Variants in HNMT observed in about 807,000 individuals in gnomAD.
HNMT encodes histamine N-methyltransferase.
HNMT carries 30 observed loss-of-function variants against 32.1 expected under a neutral mutation model. That is an observed-to-expected ratio of 0.93 (90% CI 0.70 to 1.27). The LOEUF (loss-of-function observed/expected upper bound fraction) is 1.27, where lower values mean the gene tolerates loss of function less well. Among genes scored for constraint, HNMT ranks in the 50% most tolerant of loss-of-function variants. HNMT has a pLI of 0.00. For missense variants in HNMT, 327 were observed against 346.0 expected, an observed-to-expected ratio of 0.95 and a Z score of 0.43; for synonymous variants, 125 against 119.0, an observed-to-expected ratio of 1.05 and a Z score of -0.33.
At chr2:137,967,184 G>A in intron 1 of HNMT, 3 of 754,296 alleles carry the variant, frequency 4.0e-6, no homozygotes, top group East Asian at 4.9e-5. Context: ...GCTGAGGCGG[G>A]AGGATTACTT....
intron 5 of HNMT, among the ~76,000 whole-genome samples, chr2:138,011,793 T>C (rs1235201418): frequency 6.6e-6 from 1 of 152,148 alleles, no homozygotes; most frequent in South Asian, 2.1e-4. Flanking sequence ...ACGTTAACTA[T>C]TGTGTCATGG....
chr2:137,970,722 C>A (rs1680097042), intron 2 of HNMT, among the ~76,000 whole-genome samples: 1 of 151,868 alleles, frequency 6.6e-6, no homozygotes, highest in African/African-American at 2.4e-5. Context: ...AGATCGAGAC[C>A]ATCCTGGCTA....
intron 2 of HNMT, among the ~76,000 whole-genome samples, chr2:137,997,937 A>G (rs1391667445): frequency 6.6e-6 from 1 of 152,112 alleles, no homozygotes; most frequent in Non-Finnish European, 1.5e-5. Context: ...CAAATACCGC[A>G]TGTTCTCATT....
intron 1 of HNMT, 39 bp downstream of exon 1, chr2:137,964,667 A>T (rs1679898802): frequency 6.2e-7 from 1 of 1,609,122 alleles, no homozygotes; most frequent in Non-Finnish European, 8.5e-7. Context: ...GACAAGCCTC[A>T]GACTGGCTGT....
chr2:138,000,516 AT>A (rs200371436), intron 2 of HNMT, among the ~76,000 whole-genome samples: 122 of 148,694 alleles, frequency 8.2e-4, no homozygotes, highest in African/African-American at 2.3e-3. Context: ...TCTGAGGTGC[AT>A]TTTTTTTTCG....
chr2:137,982,380 C>G (rs1303349431), intron 2 of HNMT, among the ~76,000 whole-genome samples: 1 of 152,152 alleles, frequency 6.6e-6, no homozygotes, highest in Non-Finnish European at 1.5e-5. Flanking sequence ...ATGCATTTAA[C>G]ATACAGCTTG....
intron 2 of HNMT, among the ~76,000 whole-genome samples, chr2:137,975,266 A>G (rs934129511): frequency 5.3e-5 from 8 of 152,168 alleles, no homozygotes; most frequent in African/African-American, 1.9e-4. Context: ...AAGGGGGAAG[A>G]GCAGCAGGAG....
intron 2 of HNMT, among the ~76,000 whole-genome samples, chr2:137,971,148 T>C (rs545843618): frequency 6.6e-6 from 1 of 152,204 alleles, no homozygotes; most frequent in African/African-American, 2.4e-5. Context: ...AACTGAATGC[T>C]TAGAATTACC....
At chr2:137,978,004 T>G (rs1380639756) in intron 2 of HNMT, among the ~76,000 whole-genome samples, 1 of 152,126 alleles carries the variant, frequency 6.6e-6, no homozygotes, top group Non-Finnish European at 1.5e-5. Flanking sequence ...CTACAGTTCC[T>G]CAGCCTGCAT....
At chr2:137,981,252 G>A (rs1269974404) in intron 2 of HNMT, 6 of 1,613,438 alleles carry the variant, frequency 3.7e-6, no homozygotes, top group East Asian at 4.5e-5. Flanking sequence ...GTTCTCAAGC[G>A]GAATTCGTGT....
At chr2:138,011,961 T>C (rs1681519571) in intron 5 of HNMT, among the ~76,000 whole-genome samples, 1 of 152,132 alleles carries the variant, frequency 6.6e-6, no homozygotes, top group East Asian at 1.9e-4. Flanking sequence ...AGTTGGGTTT[T>C]AGAGACCATG....
intron 2 of HNMT, among the ~76,000 whole-genome samples, chr2:137,979,943 C>T (rs1364281944): frequency 6.6e-6 from 1 of 152,074 alleles, no homozygotes; most frequent in Non-Finnish European, 1.5e-5. Context: ...TCCTTCATCT[C>T]CTTCAGCTAA....
intron 3 of HNMT, among the ~76,000 whole-genome samples, chr2:138,001,520 T>C (rs1457405649): frequency 1.3e-5 from 2 of 152,178 alleles, no homozygotes; most frequent in East Asian, 1.9e-4. Flanking sequence ...TAAAACTTTA[T>C]TTGTAAACAC....
intron 5 of HNMT, among the ~76,000 whole-genome samples, chr2:138,012,245 C>T (rs1284397909): frequency 6.6e-6 from 1 of 151,958 alleles, no homozygotes; most frequent in African/African-American, 2.4e-5. Context: ...TTTGATAATC[C>T]CCATTTTACA....
At chr2:138,012,695 C>A (rs76825075) in intron 5 of HNMT, among the ~76,000 whole-genome samples, 11,990 of 152,122 alleles carry the variant, frequency 0.079, 754 homozygotes, top group East Asian at 0.23. Flanking sequence ...CAAAACTGCT[C>A]GTCTTCATTC....
In HNMT at chr2:137,971,022, G is replaced by A. The variant is rs563824306; in HGVS notation, c.190+805G>A. ...ACTGATGCACAGCTTTTTTCATTGA[G>A]AAAGTCTCACCATGGGGAAAAATGT... On this transcript the variant is annotated intron_variant, in intron 2 of 5. Coordinates refer to ENST00000280097, the MANE Select transcript of HNMT (RefSeq NM_006895.3). 5.3e-5 allele frequency among the ~76,000 whole-genome samples: 8 copies of A among 151,788 alleles called. No individual in the cohort carries two copies. In the South Asian group the frequency reaches 1.2e-3, roughly 24 times the overall value.
At chr2:138,006,247 G>A (rs1558747266) in intron 5 of HNMT, among the ~76,000 whole-genome samples, 1 of 151,908 alleles carries the variant, frequency 6.6e-6, no homozygotes, top group Non-Finnish European at 1.5e-5. Context: ...ACCTCTCTCT[G>A]AGCTAGTAAA....
intron 2 of HNMT, among the ~76,000 whole-genome samples, chr2:137,992,753 T>C (rs537410960): frequency 2.0e-5 from 3 of 152,298 alleles, no homozygotes; most frequent in Admixed American, 6.5e-5. Flanking sequence ...ATAGAGGTTG[T>C]CAGACACCCT....
chr2:137,995,888 T>C (rs1680977310), intron 2 of HNMT, among the ~76,000 whole-genome samples: 1 of 152,090 alleles, frequency 6.6e-6, no homozygotes, highest in Admixed American at 6.6e-5. Flanking sequence ...AAACATAATC[T>C]ATCACATAAA....
Sources: allele counts gnomAD v4.1 joint callset (sites outside exome capture counted in the v4.1 genomes callset), GRCh38; gene constraint gnomAD v4.1.1; transcripts MANE v1.5; gene names NCBI Gene and HGNC (gene_info 2026-07-23, HGNC 2026-07-21).